Variants in LRRC37A2 observed in about 807,000 individuals in gnomAD.
LRRC37A2 encodes the protein leucine-rich repeat-containing protein 37A2.
In LRRC37A2, 9 loss-of-function variants were observed where a neutral mutation model predicts 68.8. The ratio of observed to expected loss-of-function variants is 0.13; its 90% CI spans 0.08 to 0.23. The LOEUF is 0.23. Ranked by LOEUF, LRRC37A2 falls within the 10% of genes least tolerant of loss-of-function variation. LRRC37A2 has a pLI of 1.00. For synonymous variants in LRRC37A2, 63 were observed against 367.6 expected (o/e 0.17, Z 9.48); for missense variants, 168 against 950.4 (o/e 0.18, Z 10.82).
chr17:47,033,347 G>A, the LRRC37A2 span: 3 of 699,610 alleles, frequency 4.3e-6, no homozygotes, highest in Admixed American at 6.0e-5. Flanking sequence ...CTTGTATGGA[G>A]GAGCTTGGTG....
chr17:46,940,469 G>A, the LRRC37A2 span: 2 of 1,611,416 alleles, frequency 1.2e-6, no homozygotes, highest in Admixed American at 3.3e-5. Context: ...CAGCACTGCT[G>A]CGGTGCCAGG....
the LRRC37A2 span, chr17:46,762,861 T>G: frequency 1.3e-5 from 2 of 152,130 alleles, no homozygotes; most frequent in African/African-American, 4.8e-5. Flanking sequence ...CTTTATCACT[T>G]TTAATATAGA....
chr17:46,772,812 C>T, the LRRC37A2 span, among the ~76,000 whole-genome samples: 5 of 148,316 alleles, frequency 3.4e-5, no homozygotes, highest in African/African-American at 1.2e-4. Context: ...ACGTCAGATC[C>T]CTTTTCTTTC....
chr17:46,794,044 A>C, the LRRC37A2 span, among the ~76,000 whole-genome samples: 1 of 152,220 alleles, frequency 6.6e-6, no homozygotes, highest in Non-Finnish European at 1.5e-5. Context: ...TCACACGGTG[A>C]AATCTAACAG....
the LRRC37A2 span, among the ~76,000 whole-genome samples, chr17:46,621,377 C>T: frequency 7.5e-6 from 1 of 133,650 alleles, no homozygotes; most frequent in East Asian, 2.2e-4. Context: ...AGCTCCGCCT[C>T]CCGGGCTCAC....
At chr17:46,784,232 G>A in the LRRC37A2 span, among the ~76,000 whole-genome samples, 1 of 152,204 alleles carries the variant, frequency 6.6e-6, no homozygotes, top group Non-Finnish European at 1.5e-5. Flanking sequence ...AAAGTTTTGA[G>A]CCAGGATGAC....
the LRRC37A2 span, among the ~76,000 whole-genome samples, chr17:46,926,063 C>T: frequency 1.3e-5 from 2 of 152,150 alleles, no homozygotes; most frequent in African/African-American, 2.4e-5. Flanking sequence ...ATTTAACAAG[C>T]TCCCTAGGTG....
At chr17:46,726,723 A>G in the LRRC37A2 span, 2 of 964,304 alleles carry the variant, frequency 2.1e-6, no homozygotes, top group Non-Finnish European at 3.4e-6. Flanking sequence ...AGCAATAGAA[A>G]TACCTTTCTT....
chr17:46,768,189 G>A, the LRRC37A2 span: 3 of 1,413,908 alleles, frequency 2.1e-6, no homozygotes, highest in South Asian at 1.2e-5. The surrounding 1 kb of genome is among the most constrained non-coding windows in gnomAD (Gnocchi z 5.0). Context: ...TTTTGGCTGT[G>A]GGAACTTGTG....
At chr17:46,891,844 G>A in the LRRC37A2 span, among the ~76,000 whole-genome samples, 3 of 151,762 alleles carry the variant, frequency 2.0e-5, no homozygotes, top group Non-Finnish European at 4.4e-5. Flanking sequence ...TGTTTCTAGT[G>A]AAGGTTAATG....
At chr17:46,920,013 A>G in the LRRC37A2 span, among the ~76,000 whole-genome samples, 2 of 152,136 alleles carry the variant, frequency 1.3e-5, no homozygotes, top group Non-Finnish European at 2.9e-5. Flanking sequence ...TTCGACTACT[A>G]TTATTGCCCC....
chr17:46,749,640 T>C, the LRRC37A2 span: 2 of 783,558 alleles, frequency 2.6e-6, no homozygotes, highest in Non-Finnish European at 3.8e-6. Flanking sequence ...CTGAATTGTT[T>C]TCTTCTGTTT....
the LRRC37A2 span, among the ~76,000 whole-genome samples, chr17:46,864,273 C>T: frequency 2.0e-5 from 3 of 152,174 alleles, no homozygotes; most frequent in Non-Finnish European, 4.4e-5. Flanking sequence ...ACCAGGAGTG[C>T]GGTTTCAGCC....
At chr17:46,997,987 A>AG in the LRRC37A2 span, among the ~76,000 whole-genome samples, 3 of 132,966 alleles carry the variant, frequency 2.3e-5, no homozygotes, top group Non-Finnish European at 5.0e-5. Flanking sequence ...AAAAAAAAAA[A>AG]GAATAAACGG....
the LRRC37A2 span, chr17:46,941,462 C>A: frequency 1.0e-6 from 1 of 981,454 alleles, no homozygotes; most frequent in Non-Finnish European, 1.2e-6. Flanking sequence ...GCTCCATGGC[C>A]AGGGGCTGGG....
At chr17:46,849,909 G>C in the LRRC37A2 span, among the ~76,000 whole-genome samples, 5 of 151,180 alleles carry the variant, frequency 3.3e-5, no homozygotes, top group Admixed American at 3.3e-4. Flanking sequence ...GTGCAATGGC[G>C]TGATTTCGGC....
the LRRC37A2 span, among the ~76,000 whole-genome samples, chr17:46,774,794 C>A: frequency 6.6e-6 from 1 of 152,220 alleles, no homozygotes; most frequent in African/African-American, 2.4e-5. Flanking sequence ...GGAATTACGA[C>A]TTTTCCGTTC....
chr17:47,001,411 C>T, the LRRC37A2 span, among the ~76,000 whole-genome samples: 1 of 152,102 alleles, frequency 6.6e-6, no homozygotes, highest in African/African-American at 2.4e-5. Flanking sequence ...CTGGGGGGTT[C>T]TCAACCATGC....
chr17:46,622,390 G>A, the LRRC37A2 span, among the ~76,000 whole-genome samples: 9 of 150,166 alleles, frequency 6.0e-5, no homozygotes, highest in Non-Finnish European at 1.2e-4. Context: ...CCCGGGAGGC[G>A]GAGCTTGCAG....
Sources: gnomAD v4.1 joint callset for allele counts (sites outside exome capture counted in the v4.1 genomes callset) on GRCh38, gnomAD v4.1.1 for gene constraint, Gnocchi (gnomAD v3.1) non-coding constraint, MANE v1.5 for transcripts, NCBI Gene and HGNC (gene_info 2026-07-23, HGNC 2026-07-21) for gene names.